Variants in PTPRD observed in about 807,000 individuals in gnomAD.
PTPRD encodes protein tyrosine phosphatase receptor type D, also known as receptor-type tyrosine-protein phosphatase delta.
In PTPRD, 34 loss-of-function variants were observed where a neutral mutation model predicts 214.5. The observed-to-expected ratio is 0.16, with a 90% confidence interval of 0.12 to 0.21. PTPRD has a LOEUF of 0.21. PTPRD is among the 10% of genes least tolerant of loss of function. The pLI is 1.00. For synonymous variants in PTPRD, 1,128 were observed against 845.7 expected, an observed-to-expected ratio of 1.33 and a Z score of -5.79; for missense variants, 2,545 against 2,398.7, an observed-to-expected ratio of 1.06 and a Z score of -1.27.
chr9:9,323,662 C>A (rs373001546), intron 9 of PTPRD, among the ~76,000 whole-genome samples: 8 of 152,078 alleles, frequency 5.3e-5, no homozygotes, highest in African/African-American at 1.9e-4. Flanking sequence ...CATCTGATTT[C>A]TCTTAGGCAG....
intron 3 of PTPRD, among the ~76,000 whole-genome samples, chr9:10,184,491 A>G (rs574851260): frequency 4.6e-5 from 7 of 152,310 alleles, no homozygotes; most frequent in Admixed American, 1.3e-4. Context: ...AAACTCTGAG[A>G]CAAGAATTAG....
chr9:10,155,693 TTGAGA>T (rs1460921744), intron 3 of PTPRD, among the ~76,000 whole-genome samples: 3 of 152,144 alleles, frequency 2.0e-5, no homozygotes, highest in African/African-American at 4.8e-5. Context: ...TCTCCATCTA[TTGAGA>T]TAAGTATGTG....
intron 4 of PTPRD, among the ~76,000 whole-genome samples, chr9:10,024,805 A>G (rs1218927446): frequency 2.9e-5 from 3 of 104,344 alleles, no homozygotes; most frequent in South Asian, 3.4e-4. Flanking sequence ...AACAGGCCCC[A>G]GTGTGTGATG....
At chr9:8,931,664 T>C (rs1022291930) in intron 11 of PTPRD, among the ~76,000 whole-genome samples, 2 of 152,198 alleles carry the variant, frequency 1.3e-5, no homozygotes, top group African/African-American at 4.8e-5. Flanking sequence ...CGTATCACGA[T>C]GATGCATGTC....
chr9:10,044,160 G>C (rs1314972665), intron 3 of PTPRD, among the ~76,000 whole-genome samples: 1 of 151,772 alleles, frequency 6.6e-6, no homozygotes, highest in Non-Finnish European at 1.5e-5. Flanking sequence ...AACTGTGAAT[G>C]TGTAGAATGG....
At chr9:10,405,782 T>G (rs1156242792) in intron 2 of PTPRD, among the ~76,000 whole-genome samples, 1 of 151,444 alleles carries the variant, frequency 6.6e-6, no homozygotes, top group Non-Finnish European at 1.5e-5. Flanking sequence ...GATGGTTTGG[T>G]GAAGCCTAAT....
At chr9:10,183,083 T>A (rs901681494) in intron 3 of PTPRD, among the ~76,000 whole-genome samples, 5 of 152,176 alleles carry the variant, frequency 3.3e-5, no homozygotes, top group African/African-American at 1.2e-4. Flanking sequence ...TATTTTCTTG[T>A]TAGAGTTGTT....
intron 9 of PTPRD, among the ~76,000 whole-genome samples, chr9:9,375,083 G>A (rs1271603543): frequency 6.6e-6 from 1 of 152,142 alleles, no homozygotes; most frequent in South Asian, 2.1e-4. Flanking sequence ...GTGTGTGTAT[G>A]TGTATGTGCG....
intron 3 of PTPRD, among the ~76,000 whole-genome samples, chr9:10,161,839 T>C (rs1299266734): frequency 6.6e-6 from 1 of 151,634 alleles, no homozygotes; most frequent in Non-Finnish European, 1.5e-5. Flanking sequence ...CTGAAATGGC[T>C]CAATAGCAAA....
At chr9:10,066,160 A>T (rs963076576) in intron 3 of PTPRD, among the ~76,000 whole-genome samples, 3 of 151,726 alleles carry the variant, frequency 2.0e-5, no homozygotes, top group African/African-American at 7.3e-5. Context: ...TTTATTTTTA[A>T]GGCAACAATT....
chr9:8,955,602 A>G (rs2099127186), intron 11 of PTPRD, among the ~76,000 whole-genome samples: 1 of 151,794 alleles, frequency 6.6e-6, no homozygotes, highest in South Asian at 2.1e-4. Flanking sequence ...CTGAGAGGCT[A>G]TTTCTGTTTT....
chr9:10,507,667 T>C (rs1303727264), intron 2 of PTPRD, among the ~76,000 whole-genome samples: 1 of 152,114 alleles, frequency 6.6e-6, no homozygotes, highest in Non-Finnish European at 1.5e-5. Context: ...CATCTAATCT[T>C]TGACAAACGT....
chr9:9,357,373 A>G (rs1281527725), intron 9 of PTPRD, among the ~76,000 whole-genome samples: 1 of 151,318 alleles, frequency 6.6e-6, no homozygotes, highest in African/African-American at 2.4e-5. Flanking sequence ...CATTTTACCA[A>G]TTTTTATTCC....
chr9:9,061,086 C>G (rs2154401185), intron 10 of PTPRD, among the ~76,000 whole-genome samples: 1 of 152,216 alleles, frequency 6.6e-6, no homozygotes, highest in East Asian at 1.9e-4. Flanking sequence ...ACAGCGGTTA[C>G]TTCTAGGGAG....
intron 35 of PTPRD, among the ~76,000 whole-genome samples, chr9:8,422,766 G>A (rs1250831314): frequency 1.3e-5 from 2 of 152,100 alleles, no homozygotes; most frequent in African/African-American, 2.4e-5. Flanking sequence ...CCAGTTGCAC[G>A]GCAACATCCA....
chr9:9,517,218 T>C lies in PTPRD; in HGVS notation c.-237+57514A>G, dbSNP rs191260873. On this transcript the variant is annotated intron_variant, in intron 8 of 45. Transcript: ENST00000381196. ...GGAAAATGTTCCTAAGGAGACTCTCTGTGTATCCACTACCCAACTCACTGC... is the reference window on the plus strand; with the variant it reads ...GGAAAATGTTCCTAAGGAGACTCTCCGTGTATCCACTACCCAACTCACTGC... Among the ~76,000 whole-genome samples, 16 of 152,240 alleles carry C rather than the reference T, an allele frequency of 1.1e-4. 1 individual carries two copies. The East Asian group carries it at 3.1e-3, about 29-fold the overall frequency.
intron 14 of PTPRD, among the ~76,000 whole-genome samples, chr9:8,551,946 A>C (rs1482433874): frequency 6.6e-6 from 1 of 152,160 alleles, no homozygotes; most frequent in Non-Finnish European, 1.5e-5. Flanking sequence ...TAGATAAAAT[A>C]ATCTATGTTG....
chr9:8,599,613 C>CCCCTTTTTTTTTTT, intron 14 of PTPRD, among the ~76,000 whole-genome samples: 1 of 53,426 alleles, frequency 1.9e-5, no homozygotes, highest in Non-Finnish European at 3.6e-5. Context: ...CCCGCCCACC[C>CCCCTTTTTTTTTTT]TTTTTTTTTT....
intron 11 of PTPRD, among the ~76,000 whole-genome samples, chr9:8,848,087 C>G (rs2097734850): frequency 6.6e-6 from 1 of 152,028 alleles, no homozygotes; most frequent in African/African-American, 2.4e-5. Context: ...TTAAACACTT[C>G]TGCTCCAGGA....
Sources: allele counts gnomAD v4.1 joint callset (sites outside exome capture counted in the v4.1 genomes callset), GRCh38; gene constraint gnomAD v4.1.1; transcripts MANE v1.5; gene names NCBI Gene and HGNC (gene_info 2026-07-23, HGNC 2026-07-21).